The following ATP9B variants were observed in gnomAD, a reference collection of about 807,000 sequenced individuals.
ATP9B encodes the protein ATPase phospholipid transporting 9B, also known as probable phospholipid-transporting ATPase IIB.
A neutral mutation model predicts 146.1 loss-of-function variants in ATP9B; 110 were observed. The ratio of observed to expected loss-of-function variants is 0.75; its 90% confidence interval spans 0.65 to 0.88. The LOEUF is 0.88. Among genes scored for constraint, ATP9B ranks in the 40% least tolerant of loss-of-function variants. ATP9B has a pLI of 0.00. For missense variants in ATP9B, 1,499 were observed against 1,496.4 expected (o/e 1.00, Z -0.03); for synonymous variants, 604 against 569.7 (o/e 1.06, Z -0.86).
chr18:79,180,933 A>T (rs1373846443), intron 8 of ATP9B, among the ~76,000 whole-genome samples: 2 of 150,828 alleles, frequency 1.3e-5, no homozygotes, highest in East Asian at 3.9e-4. Flanking sequence ...CTGGGATTAC[A>T]GGCATGTGCC....
chr18:79,306,500 A>C (rs1449504482), intron 14 of ATP9B, among the ~76,000 whole-genome samples: 1 of 152,230 alleles, frequency 6.6e-6, no homozygotes, highest in Non-Finnish European at 1.5e-5. Flanking sequence ...TAGACTGTCT[A>C]AACTCAGAGA....
At chr18:79,254,941 A>C (rs957355768) in intron 12 of ATP9B, 2 of 152,068 alleles carry the variant, frequency 1.3e-5, no homozygotes, top group Non-Finnish European at 1.5e-5. Context: ...TTCTGTGTAG[A>C]TCTCTATGAC....
intron 26 of ATP9B, chr18:79,363,410 G>GGATCAA (rs1568830236): frequency 3.6e-4 from 1 of 2,778 alleles, no homozygotes; most frequent in East Asian, 0.025. Flanking sequence ...TCCTGGAATG[G>GGATCAA]GAGGCATAAA....
rs529404219 is a variant in ATP9B, at chr18:79,287,300, G to C, written c.1411+10104G>C. Among the ~76,000 whole-genome samples the C allele has an allele frequency of 1.6e-4, 25 of 152,342 alleles. 1 individual carries two copies. In the South Asian group the frequency reaches 2.7e-3, roughly 16 times the overall value. Reference sequence around the variant, plus strand: ...GATTATTGCCACAATTTCAGAGCCTGTTATTGGTCTATTCAGAGATTCAAC... The same window carrying C: ...GATTATTGCCACAATTTCAGAGCCTCTTATTGGTCTATTCAGAGATTCAAC... On this transcript the variant is annotated intron_variant, in intron 13 of 29. Transcript: ENST00000426216.
chr18:79,272,906 AAC>A (rs901661242), intron 12 of ATP9B, among the ~76,000 whole-genome samples: 11 of 152,228 alleles, frequency 7.2e-5, no homozygotes, highest in Admixed American at 2.0e-4. Flanking sequence ...ATACAGGTAA[AAC>A]ACAGTTACCT....
intron 8 of ATP9B, among the ~76,000 whole-genome samples, chr18:79,192,622 G>T (rs1172259752): frequency 3.3e-5 from 5 of 152,162 alleles, no homozygotes; most frequent in African/African-American, 1.2e-4. Context: ...TAGCCATGAT[G>T]TGTGTTTCGT....
At chr18:79,152,149 G>A (rs1244653225) in intron 6 of ATP9B, among the ~76,000 whole-genome samples, 1 of 152,184 alleles carries the variant, frequency 6.6e-6, no homozygotes, top group African/African-American at 2.4e-5. Context: ...AGTTAGAATG[G>A]CAATCATTAA....
chr18:79,249,422 G>A (rs2096001364), intron 11 of ATP9B, among the ~76,000 whole-genome samples: 1 of 152,104 alleles, frequency 6.6e-6, no homozygotes, highest in African/African-American at 2.4e-5. Context: ...ACAAGTAGAA[G>A]AAAATTTGCT....
intron 1 of ATP9B, among the ~76,000 whole-genome samples, chr18:79,075,391 C>T (rs1299729057): frequency 2.0e-5 from 3 of 152,178 alleles, no homozygotes; most frequent in Non-Finnish European, 4.4e-5. Context: ...CGCCTTCTGT[C>T]GGCCTTCCAA....
chr18:79,364,595 A>G (rs1175011076), intron 26 of ATP9B, among the ~76,000 whole-genome samples: 3 of 152,260 alleles, frequency 2.0e-5, no homozygotes, highest in Non-Finnish European at 4.4e-5. Context: ...ACCTATATGT[A>G]AAGCTATAAA....
intron 15 of ATP9B, among the ~76,000 whole-genome samples, chr18:79,324,832 T>C (rs2096735462): frequency 1.3e-5 from 2 of 152,272 alleles, no homozygotes; most frequent in South Asian, 2.1e-4. Flanking sequence ...AATTTATAAA[T>C]AGTTAACTAT....
chr18:79,120,165 A>G (rs1028619616), intron 4 of ATP9B, among the ~76,000 whole-genome samples: 2 of 152,178 alleles, frequency 1.3e-5, no homozygotes, highest in African/African-American at 2.4e-5. Flanking sequence ...AGTGCCAGCA[A>G]CACCATCATC....
At chr18:79,316,532 G>A (rs2096681064) in intron 15 of ATP9B, among the ~76,000 whole-genome samples, 1 of 152,106 alleles carries the variant, frequency 6.6e-6, no homozygotes, top group African/African-American at 2.4e-5. Context: ...GTGGCAAAGA[G>A]GGCAGAGATC....
chr18:79,087,877 A>G (rs192944345), intron 1 of ATP9B, among the ~76,000 whole-genome samples: 129 of 152,284 alleles, frequency 8.5e-4, no homozygotes, highest in African/African-American at 2.9e-3. Flanking sequence ...ATCTTTGTTC[A>G]TAATTGTTTT....
At chr18:79,125,096 A>G (rs1026345918) in intron 4 of ATP9B, among the ~76,000 whole-genome samples, 2 of 152,326 alleles carry the variant, frequency 1.3e-5, no homozygotes, top group Middle Eastern at 6.8e-3. Flanking sequence ...GTTTTAGTCA[A>G]GTGGTGGAAG....
At chr18:79,087,343 C>T (rs924919167) in intron 1 of ATP9B, 3 of 152,226 alleles carry the variant, frequency 2.0e-5, no homozygotes, top group African/African-American at 2.4e-5. Flanking sequence ...ACATTTCAAC[C>T]GTAGCACCAT....
intron 11 of ATP9B, among the ~76,000 whole-genome samples, chr18:79,233,108 G>T (rs556646522): frequency 6.6e-6 from 1 of 151,812 alleles, no homozygotes; most frequent in Non-Finnish European, 1.5e-5. Context: ...CCTGGGCAGC[G>T]TGGTGAAACC....
At chr18:79,212,389 A>G (rs1378077446) in intron 10 of ATP9B, among the ~76,000 whole-genome samples, 4 of 152,222 alleles carry the variant, frequency 2.6e-5, no homozygotes, top group Middle Eastern at 3.2e-3. Context: ...GGTACTGTGC[A>G]TTGTAAGGCC....
At chr18:79,178,656 A>G (rs928886355) in intron 8 of ATP9B, among the ~76,000 whole-genome samples, 13 of 152,054 alleles carry the variant, frequency 8.5e-5, no homozygotes, top group African/African-American at 3.1e-4. Flanking sequence ...TATTAATATG[A>G]TGGTATGTGG....
Sources: gnomAD v4.1 joint callset for allele counts (sites outside exome capture counted in the v4.1 genomes callset) on GRCh38, gnomAD v4.1.1 for gene constraint, MANE v1.5 for transcripts, NCBI Gene and HGNC (gene_info 2026-07-23, HGNC 2026-07-21) for gene names.